The following UGT1A9 variants were observed in gnomAD, a reference collection of about 807,000 sequenced individuals.
UGT1A9 encodes the protein UDP-glucuronosyltransferase 1A9.
UGT1A9 carries 35 observed loss-of-function variants against 45.0 expected under a neutral mutation model. That is an observed-to-expected ratio of 0.78 (90% CI 0.59 to 1.03). The LOEUF is 1.03. Among genes scored for constraint, UGT1A9 ranks in the 50% least tolerant of loss-of-function variants. UGT1A9 has a pLI of 0.00. For synonymous variants in UGT1A9, 278 were observed against 250.6 expected (o/e 1.11, Z -1.03); for missense variants, 687 against 666.6 (o/e 1.03, Z -0.34).
At chr2:233,700,738 A>T (rs1433623509) in intron 1 of UGT1A9, among the ~76,000 whole-genome samples, 3 of 152,020 alleles carry the variant, frequency 2.0e-5, no homozygotes, top group Non-Finnish European at 4.4e-5. Context: ...TATTATTATT[A>T]TACTTTAAGT....
At chr2:233,719,330 GT>G (rs780658532) in intron 1 of UGT1A9, 4 of 1,613,748 alleles carry the variant, frequency 2.5e-6, no homozygotes, top group Non-Finnish European at 3.4e-6. Flanking sequence ...TTCCTGCTGT[GT>G]TTTTTTGGAG....
intron 1 of UGT1A9, 116 bp from the exon 2 acceptor site, chr2:233,766,918 A>G: frequency 1.3e-6 from 2 of 1,548,282 alleles, no homozygotes; most frequent in Non-Finnish European, 1.7e-6. Flanking sequence ...TCTATCTCAA[A>G]CACGCATGCC....
chr2:233,760,133 A>G, intron 1 of UGT1A9: 6 of 1,369,658 alleles, frequency 4.4e-6, no homozygotes, highest in East Asian at 2.5e-5. Context: ...CACCTTCTTT[A>G]TCTCTGAAAG....
At chr2:233,703,314 T>C (rs1197149723) in intron 1 of UGT1A9, among the ~76,000 whole-genome samples, 1 of 147,298 alleles carries the variant, frequency 6.8e-6, no homozygotes, top group Non-Finnish European at 1.5e-5. Flanking sequence ...TTTCATATTT[T>C]TAGCAATTTT....
At chr2:233,743,880 G>GC (rs1692566071) in intron 1 of UGT1A9, 1 of 1,365,832 alleles carries the variant, frequency 7.3e-7, no homozygotes, top group Non-Finnish European at 9.8e-7. Context: ...GATGAGGCCT[G>GC]CCGGGGCACG....
At chr2:233,743,509 G>C (rs199947040) in intron 1 of UGT1A9, 86 of 1,367,152 alleles carry the variant, frequency 6.3e-5, no homozygotes, top group East Asian at 2.3e-4. Context: ...GGGTGCAGAC[G>C]CTCTGCTTCT....
rs146432524 is a variant in UGT1A9, at chr2:233,729,522, A to G, written c.856-37512A>G. On this transcript the variant is annotated intron_variant, in intron 1 of 4. Coordinates refer to ENST00000354728, the MANE Select transcript of UGT1A9 (RefSeq NM_021027.3). ...ATCATAGGTCTTGTGTGGAGCTACT[A>G]CATAATGAGGCCCTGATCAGGCACC... 1,184 of 1,614,192 alleles carry G rather than the reference A, an allele frequency of 7.3e-4. 2 individuals carry two copies. Among genetic ancestry groups the G allele is most frequent in the Non-Finnish European group, 9.8e-4 (1,156 of 1,180,024 alleles).
At chr2:233,738,677 A>C (rs1328958529) in intron 1 of UGT1A9, among the ~76,000 whole-genome samples, 2 of 152,316 alleles carry the variant, frequency 1.3e-5, no homozygotes, top group East Asian at 3.9e-4. Flanking sequence ...AGATGATCTG[A>C]AATTGGAACT....
At chr2:233,735,012 T>C (rs1234170278) in intron 1 of UGT1A9, among the ~76,000 whole-genome samples, 1 of 152,238 alleles carries the variant, frequency 6.6e-6, no homozygotes, top group Non-Finnish European at 1.5e-5. Flanking sequence ...TGGAGAGTTC[T>C]GTAGATGTCT....
At chr2:233,677,456 A>T (rs754248202) in intron 1 of UGT1A9, among the ~76,000 whole-genome samples, 2 of 152,246 alleles carry the variant, frequency 1.3e-5, no homozygotes, top group African/African-American at 4.8e-5. Context: ...AAGCCTTGCC[A>T]ATACCATAAA....
chr2:233,763,296 GAT>G (rs1373689978), intron 1 of UGT1A9, among the ~76,000 whole-genome samples: 1 of 152,054 alleles, frequency 6.6e-6, no homozygotes, highest in African/African-American at 2.4e-5. Flanking sequence ...CCACTTTTTG[GAT>G]ATTAATATTA....
At chr2:233,732,867 G>A (rs368077438) in intron 1 of UGT1A9, among the ~76,000 whole-genome samples, 9 of 150,836 alleles carry the variant, frequency 6.0e-5, no homozygotes, top group South Asian at 4.2e-4. Context: ...GTAGCTTGAT[G>A]GGTTTGGCAT....
intron 1 of UGT1A9, among the ~76,000 whole-genome samples, chr2:233,751,050 G>T (rs1201577547): frequency 6.6e-6 from 1 of 151,910 alleles, no homozygotes; most frequent in Non-Finnish European, 1.5e-5. Context: ...GCCTGGAAAA[G>T]ACACAGACAC....
chr2:233,683,077 A>C lies in UGT1A9; in HGVS notation c.855+10288A>C, dbSNP rs150800988. Among the ~76,000 whole-genome samples the C allele has an allele frequency of 9.2e-5, 14 of 152,244 alleles. No homozygotes were observed. The East Asian group carries it at 2.7e-3, about 29-fold the overall frequency. ...CAAAAAAACCACAGTAAGAAATGAA[A>C]CTTCCCTTTTTTTGCTAATTCTACA... On this transcript the variant is annotated intron_variant, in intron 1 of 4. Coordinates refer to ENST00000354728, the MANE Select transcript of UGT1A9 (RefSeq NM_021027.3).
intron 1 of UGT1A9, among the ~76,000 whole-genome samples, chr2:233,724,466 G>T (rs1369027656): frequency 2.6e-5 from 2 of 77,260 alleles, no homozygotes; most frequent in African/African-American, 4.9e-5. Context: ...GGGCGGAGGG[G>T]CTCCTCACTT....
intron 1 of UGT1A9, among the ~76,000 whole-genome samples, chr2:233,749,081 G>A (rs958459779): frequency 6.6e-6 from 1 of 151,758 alleles, no homozygotes; most frequent in African/African-American, 2.4e-5. Flanking sequence ...TCCTTGGTGT[G>A]CCATGTATTT....
intron 1 of UGT1A9, among the ~76,000 whole-genome samples, chr2:233,683,711 T>G (rs1400745268): frequency 6.6e-6 from 1 of 152,184 alleles, no homozygotes; most frequent in African/African-American, 2.4e-5. Flanking sequence ...TTTGAAACCA[T>G]TATGTGCAAG....
At chr2:233,707,609 T>C (rs2075976108) in intron 1 of UGT1A9, among the ~76,000 whole-genome samples, 1 of 152,084 alleles carries the variant, frequency 6.6e-6, no homozygotes, top group African/African-American at 2.4e-5. Flanking sequence ...TTGTAGTTTG[T>C]GGATTGTCAG....
intron 1 of UGT1A9, chr2:233,747,572 A>G (rs968411318): frequency 5.2e-5 from 82 of 1,588,740 alleles, no homozygotes; most frequent in Non-Finnish European, 6.5e-5. Context: ...TGAAAAATTC[A>G]TCTTTGGTCT....
Sources: allele counts gnomAD v4.1 joint callset (sites outside exome capture counted in the v4.1 genomes callset), GRCh38; gene constraint gnomAD v4.1.1; transcripts MANE v1.5; gene names NCBI Gene and HGNC (gene_info 2026-07-23, HGNC 2026-07-21).